BLK: variants seen among roughly 807,000 people sequenced by gnomAD.
BLK encodes BLK proto-oncogene, Src family tyrosine kinase, also known as tyrosine-protein kinase Blk.
Under a neutral mutation model 61.8 loss-of-function variants are expected in BLK, and 64 were observed. The observed-to-expected ratio is 1.03, with a 90% CI of 0.85 to 1.27. BLK has a LOEUF of 1.27. Among genes scored for constraint, BLK ranks in the 50% most tolerant of loss-of-function variants. BLK has a pLI of 0.00. For synonymous variants in BLK, 351 were observed against 272.0 expected (o/e 1.29, Z -2.86); for missense variants, 853 against 660.5 (o/e 1.29, Z -3.19).
chr8:11,512,888 A>T (rs1245605172), intron 1 of BLK, among the ~76,000 whole-genome samples: 1 of 152,134 alleles, frequency 6.6e-6, no homozygotes, highest in Non-Finnish European at 1.5e-5. Context: ...GCTGGACTCA[A>T]ACTCCTGACC....
chr8:11,558,273 T>A (rs1246438742), intron 10 of BLK, among the ~76,000 whole-genome samples: 3 of 152,164 alleles, frequency 2.0e-5, no homozygotes, highest in Non-Finnish European at 4.4e-5. Context: ...GAATGGAGCC[T>A]TAGACCCGGG....
intron 1 of BLK, 90 bp from the exon 2 acceptor site, chr8:11,543,134 G>C (rs1323470800): frequency 6.2e-7 from 1 of 1,600,544 alleles, no homozygotes; most frequent in Admixed American, 1.7e-5. Context: ...TTTCTAACCA[G>C]CCTCCCGGAA....
intron 3 of BLK, 133 bp from the exon 4 acceptor site, chr8:11,547,899 C>A: frequency 1.2e-6 from 1 of 805,364 alleles, no homozygotes; most frequent in Non-Finnish European, 2.1e-6. Flanking sequence ...GGGTGGGGGC[C>A]TGTGCTGGGT....
At position 11,555,472 on chromosome 8, in the gene BLK, G is replaced by C. The variant is rs200515443; in HGVS notation, c.760G>C (p.Glu254Gln). Residue 254 changes from glutamate (E) to glutamine (Q), a missense_variant, in exon 8 of 13, where the codon GAA becomes CAA. By Grantham distance (29) the Glu-to-Gln change is conservative (BLOSUM62 2). Coordinates refer to ENST00000259089, the MANE Select transcript of BLK (RefSeq NM_001715.3). ...GAAACTCGGGTCTGGACAATTCGGC[G>C]AAGTCTGGATGGGTGAGTGTGTGCA... is the stretch of plus-strand genomic sequence containing the variant. ...VRKLGSGQFG[E>Q]VWMGYYKNNM... The C allele has an allele frequency of 1.2e-6, 2 of 1,614,136 alleles. No individual in the cohort carries two copies. Among genetic ancestry groups the C allele is most frequent in the African/African-American group, 1.3e-5 (1 of 75,026 alleles).
Position 11,534,578 on chromosome 8 carries a change from C to T in BLK, c.-1-8646C>T, listed in dbSNP as rs569675027. ...TTCTTCCTTCCTTCCTGAAGGTCTGCTCAGCACCCTCAAACTTTTTACCAC... is the reference window on the plus strand; with the variant it reads ...TTCTTCCTTCCTTCCTGAAGGTCTGTTCAGCACCCTCAAACTTTTTACCAC... On this transcript the variant is annotated intron_variant, in intron 1 of 12. Coordinates refer to ENST00000259089, the MANE Select transcript of BLK (RefSeq NM_001715.3). Among the ~76,000 whole-genome samples the T allele has an allele frequency of 4.6e-5, 7 of 152,346 alleles. 1 individual carries two copies. The South Asian group carries it at 1.2e-3, about 27-fold the overall frequency.
intron 1 of BLK, among the ~76,000 whole-genome samples, chr8:11,528,723 C>G (rs139369564): frequency 1.3e-4 from 20 of 152,248 alleles, no homozygotes; most frequent in African/African-American, 3.1e-4. Context: ...CATTGGTGCT[C>G]TTATCCACAG....
intron 10 of BLK, chr8:11,559,942 T>G (rs1801413453): frequency 2.4e-6 from 1 of 413,374 alleles, no homozygotes; most frequent in Admixed American, 3.0e-5. Context: ...AAAGCAGATC[T>G]GGGCCCTACT....
At chr8:11,528,884 A>G (rs759691524) in intron 1 of BLK, among the ~76,000 whole-genome samples, 1 of 152,166 alleles carries the variant, frequency 6.6e-6, no homozygotes. Flanking sequence ...CTCAATTATA[A>G]GTGGGAGCTG....
At chr8:11,538,117 C>A (rs1051165681) in intron 1 of BLK, among the ~76,000 whole-genome samples, 1 of 152,162 alleles carries the variant, frequency 6.6e-6, no homozygotes, top group Admixed American at 6.5e-5. Flanking sequence ...AGCACATACA[C>A]ACATGTGTAT....
At chr8:11,502,250 T>C (rs1798591364) in intron 1 of BLK, among the ~76,000 whole-genome samples, 1 of 152,214 alleles carries the variant, frequency 6.6e-6, no homozygotes, top group African/African-American at 2.4e-5. Context: ...CTTGTATAAT[T>C]CAACTTTAAT....
At chr8:11,546,570 C>G (rs1800654952) in intron 3 of BLK, among the ~76,000 whole-genome samples, 1 of 151,996 alleles carries the variant, frequency 6.6e-6, no homozygotes, top group African/African-American at 2.4e-5. Flanking sequence ...TACCTGGTCC[C>G]CAGACTCCAC....
At chr8:11,533,097 T>G (rs561096330) in intron 1 of BLK, among the ~76,000 whole-genome samples, 717 of 2,946 alleles carry the variant, frequency 0.24, 10 homozygotes, top group South Asian at 0.52. Flanking sequence ...ATCATTAGTA[T>G]TCATGTTTTA....
At chr8:11,511,972 G>C (rs1177136326) in intron 1 of BLK, among the ~76,000 whole-genome samples, 4 of 152,118 alleles carry the variant, frequency 2.6e-5, no homozygotes, top group Non-Finnish European at 4.4e-5. Flanking sequence ...TGGGTTTTCT[G>C]TGATTGTTTG....
intron 1 of BLK, among the ~76,000 whole-genome samples, chr8:11,531,409 C>G (rs75799739): frequency 0.015 from 2,336 of 152,244 alleles, 55 homozygotes; most frequent in African/African-American, 0.053. Context: ...TTGTATGCTT[C>G]TGACTCATAT....
Position 11,563,953 on chromosome 8 carries a change from C to CCG in BLK, c.1367_1368dup (p.Pro457AlafsTer128). The CCG allele has an allele frequency of 6.2e-7, 1 of 1,607,184 alleles. No homozygotes were observed. The highest frequency in any genetic ancestry group is 8.5e-7 in the Non-Finnish European group (1 of 1,179,312). ...CAACCTGGAGCGCGGCTACCGCATGCCGCGCCCCGACACCTGCCCGCCCGA... is the reference window on the plus strand; with the variant it reads ...CAACCTGGAGCGCGGCTACCGCATGCCGCGCGCCCCGACACCTGCCCGCCCGA... On this transcript the variant is annotated frameshift_variant, in exon 13 of 13. Transcript: ENST00000259089. LOFTEE classifies it high-confidence loss of function.
intron 10 of BLK, among the ~76,000 whole-genome samples, chr8:11,559,516 CACAA>C (rs769816582): frequency 3.0e-4 from 42 of 141,416 alleles, no homozygotes; most frequent in East Asian, 2.7e-3. Flanking sequence ...AACTCACACA[CACAA>C]ACACACACAC....
At chr8:11,536,646 G>T (rs758812455) in intron 1 of BLK, among the ~76,000 whole-genome samples, 1 of 152,098 alleles carries the variant, frequency 6.6e-6, no homozygotes, top group African/African-American at 2.4e-5. Context: ...GACCTCAAAT[G>T]ATCTCCCACC....
intron 1 of BLK, among the ~76,000 whole-genome samples, chr8:11,495,228 G>A (rs745942595): frequency 6.6e-6 from 1 of 152,172 alleles, no homozygotes; most frequent in African/African-American, 2.4e-5. Flanking sequence ...TTTTGACAAC[G>A]TTTCCATTTA....
intron 10 of BLK, chr8:11,559,780 C>T (rs1398974365): frequency 6.6e-6 from 3 of 456,110 alleles, no homozygotes; most frequent in African/African-American, 2.0e-5. Context: ...TGAACACTTC[C>T]CACCTGGCAG....
Sources: allele counts gnomAD v4.1 joint callset (sites outside exome capture counted in the v4.1 genomes callset), GRCh38; gene constraint gnomAD v4.1.1; transcripts MANE v1.5; gene names NCBI Gene and HGNC (gene_info 2026-07-23, HGNC 2026-07-21).